The following PACSIN2 variants were observed in gnomAD, a reference collection of about 807,000 sequenced individuals.
PACSIN2 encodes protein kinase C and casein kinase substrate in neurons protein 2.
Under a neutral mutation model 63.8 loss-of-function variants are expected in PACSIN2, and 25 were observed. That is an observed-to-expected ratio of 0.39 (90% CI 0.29 to 0.55). PACSIN2 has a LOEUF of 0.55. Among genes scored for constraint, PACSIN2 ranks in the 20% least tolerant of loss-of-function variants. The pLI is 0.62. For synonymous variants in PACSIN2, 255 were observed against 256.2 expected (o/e 1.00, Z 0.05); for missense variants, 518 against 646.9 (o/e 0.80, Z 2.16).
At chr22:42,883,806 C>T (rs1009161067) in intron 6 of PACSIN2, among the ~76,000 whole-genome samples, 9 of 152,300 alleles carry the variant, frequency 5.9e-5, no homozygotes, top group Non-Finnish European at 1.0e-4. Context: ...GAGATCGAGA[C>T]CATCCTGGAC....
Position 42,884,862 on chromosome 22 carries a change from T to C in PACSIN2, c.610-301A>G, listed in dbSNP as rs528974140. Among the ~76,000 whole-genome samples the C allele has an allele frequency of 2.0e-4, 31 of 152,332 alleles. No homozygotes were observed. In the South Asian group the frequency reaches 5.0e-3, roughly 24 times the overall value. On this transcript the variant is annotated intron_variant, in intron 5 of 10. Coordinates refer to ENST00000263246, the MANE Select transcript of PACSIN2 (RefSeq NM_001184970.3). ...GAGCGTGCCACACGCCCATGTCCTC[T>C]TCTCCCTGTGGGGAAGGGCTGTGCC...
chr22:42,900,571 C>T (rs530514192), intron 2 of PACSIN2, among the ~76,000 whole-genome samples: 1 of 152,256 alleles, frequency 6.6e-6, no homozygotes, highest in East Asian at 1.9e-4. Flanking sequence ...CCTTCCCGTC[C>T]GAAGTGATCC....
Position 42,912,776 on chromosome 22 carries a change from G to A in PACSIN2, c.-77-619C>T, listed in dbSNP as rs374905188. ...TAAGCACAAACCACACCTTGCTAGTGTGATGACCTGTCCGCAGCCGAGATG... is the reference window on the plus strand; with the variant it reads ...TAAGCACAAACCACACCTTGCTAGTATGATGACCTGTCCGCAGCCGAGATG... On this transcript the variant is annotated intron_variant, in intron 1 of 10. Coordinates refer to ENST00000263246, the MANE Select transcript of PACSIN2 (RefSeq NM_001184970.3). Among the ~76,000 whole-genome samples, 7 of 152,232 alleles carry A rather than the reference G, an allele frequency of 4.6e-5. No homozygotes were observed. The East Asian group carries it at 7.7e-4, about 17-fold the overall frequency.
In PACSIN2 at chr22:42,893,466, C is replaced by T. The variant is rs529199422; in HGVS notation, c.208G>A (p.Val70Met). 15 of 1,612,782 alleles carry T rather than the reference C, an allele frequency of 9.3e-6. No homozygotes were observed. Among genetic ancestry groups the T allele is most frequent in the Admixed American group, 3.3e-5 (2 of 60,026 alleles). The change falls in exon 3 of 11, where the codon GTG becomes ATG. Residue 70 changes from valine to methionine, a missense_variant. By Grantham distance (21) the Val-to-Met change is conservative (BLOSUM62 1). Coordinates refer to ENST00000263246, the MANE Select transcript of PACSIN2 (RefSeq NM_001184970.3). Reference protein sequence around the residue: ...TEWARRWRQLVEKGPQYGTVE... With the variant: ...TEWARRWRQLMEKGPQYGTVE... ...TGCCGGGGCCCCATACCTTTCTCCA[C>T]GAGCTGCCTCCAGCGCCGGGCCCAC... is the stretch of plus-strand genomic sequence containing the variant.
intron 1 of PACSIN2, among the ~76,000 whole-genome samples, chr22:42,922,468 G>A (rs1025204481): frequency 6.6e-6 from 1 of 152,166 alleles, no homozygotes; most frequent in African/African-American, 2.4e-5. Context: ...GAAAGCCCCC[G>A]ATACCCCGCT....
rs10679634 is a variant in PACSIN2, at chr22:42,871,935, C to CGA, written c.1349-468_1349-467dup. On this transcript the variant is annotated intron_variant, in intron 10 of 10. Coordinates refer to ENST00000263246, the MANE Select transcript of PACSIN2 (RefSeq NM_001184970.3). The surrounding 1 kb of genome is among the most constrained non-coding windows in gnomAD (Gnocchi z 5.4). Reference sequence around the variant, plus strand: ...CCTCTCCTCTGCAACTTCCAGGCTGCGAGGGGAAGGGACCATGTCTGACAG... The same window carrying CGA: ...CCTCTCCTCTGCAACTTCCAGGCTGCGAGAGGGGAAGGGACCATGTCTGACAG... 0.66 allele frequency among the ~76,000 whole-genome samples: 99,612 copies of CGA among 151,764 alleles called. 34,619 individuals carry two copies. Among genetic ancestry groups the CGA allele is most frequent in the African/African-American group, 0.88 (36,513 of 41,396 alleles).
At chr22:42,929,116 T>C (rs1569285975) in intron 1 of PACSIN2, among the ~76,000 whole-genome samples, 1 of 152,254 alleles carries the variant, frequency 6.6e-6, no homozygotes, top group Non-Finnish European at 1.5e-5. Context: ...CTTCATCAGA[T>C]CCAGGCCTGA....
chr22:42,948,674 A>G (rs541178261), intron 1 of PACSIN2, among the ~76,000 whole-genome samples: 4 of 152,244 alleles, frequency 2.6e-5, no homozygotes, highest in African/African-American at 9.6e-5. Context: ...AGTACAAACC[A>G]TGAGAGGATT....
At chr22:42,894,147 TAA>T (rs1256672943) in intron 2 of PACSIN2, among the ~76,000 whole-genome samples, 1 of 152,208 alleles carries the variant, frequency 6.6e-6, no homozygotes, top group East Asian at 1.9e-4. Flanking sequence ...CTAGTAGGAA[TAA>T]GTGTCCCCAT....
At chr22:42,943,889 A>T (rs1170817059) in intron 1 of PACSIN2, among the ~76,000 whole-genome samples, 1 of 152,248 alleles carries the variant, frequency 6.6e-6, no homozygotes, top group Non-Finnish European at 1.5e-5. Context: ...AAAGAAAGAA[A>T]AAGACACAAT....
chr22:42,927,122 A>G (rs1932587964), intron 1 of PACSIN2, among the ~76,000 whole-genome samples: 3 of 152,172 alleles, frequency 2.0e-5, no homozygotes, highest in African/African-American at 7.2e-5. Flanking sequence ...CTCCTCATTT[A>G]GCCCTTGCTT....
At chr22:43,001,065 C>G (rs902811335) in intron 1 of PACSIN2, among the ~76,000 whole-genome samples, 2 of 152,228 alleles carry the variant, frequency 1.3e-5, no homozygotes, top group African/African-American at 4.8e-5. Context: ...CCAAGGGCTG[C>G]TATGGAATCA....
rs771032217 is a variant in PACSIN2 at position 42,876,210 on chromosome 22, C to G, written c.1275G>C (p.Ser425=). The change falls in exon 10 of 11, where the codon TCG becomes TCC. Residue 425 remains serine, a synonymous_variant. Transcript: ENST00000263246. ...GGGCCCGGACTCGCACTTCCGTCCC[C>G]GAGGTGGCGTCGTCGTCGAATGGAT... is the stretch of plus-strand genomic sequence containing the variant. ...DSNPFDDDAT[S]GTEVRVRALY... 6.2e-7 allele frequency: 1 copy of G among 1,614,222 alleles called. No individual in the cohort carries two copies. The highest frequency in any genetic ancestry group is 1.3e-5 in the African/African-American group (1 of 75,050).
chr22:42,942,653 G>A (rs1475536547), intron 1 of PACSIN2, among the ~76,000 whole-genome samples: 1 of 152,150 alleles, frequency 6.6e-6, no homozygotes, highest in East Asian at 1.9e-4. Flanking sequence ...AGCGTCACTT[G>A]TTGAAAAGAT....
intron 2 of PACSIN2, among the ~76,000 whole-genome samples, chr22:42,906,789 C>T (rs1246414492): frequency 6.6e-6 from 1 of 152,166 alleles, no homozygotes; most frequent in Non-Finnish European, 1.5e-5. Flanking sequence ...GAACCTTAAA[C>T]GAAGATTACG....
rs529660735 is a variant in PACSIN2, at chr22:42,890,917, C to T, written c.453+30G>A. ...AGTGGGGTGCCAGGCAGAGCAAGGC[C>T]GGGCAGGGAAGCCTGCAGGACAGAT... is the stretch of plus-strand genomic sequence containing the variant. On this transcript the variant is annotated intron_variant, in intron 4 of 10. Coordinates refer to ENST00000263246, the MANE Select transcript of PACSIN2 (RefSeq NM_001184970.3). 110 of 1,587,310 alleles carry T rather than the reference C, an allele frequency of 6.9e-5. No individual in the cohort carries two copies. The Middle Eastern group carries it at 1.0e-3, about 14-fold the overall frequency.
At chr22:42,934,900 T>TC (rs1555924666) in intron 1 of PACSIN2, among the ~76,000 whole-genome samples, 1 of 71,964 alleles carries the variant, frequency 1.4e-5, no homozygotes, top group Non-Finnish European at 4.5e-5. Context: ...CTTTCTTTTC[T>TC]TTTCTTTCTT....
chr22:42,920,293 T>A (rs1327597808), intron 1 of PACSIN2, among the ~76,000 whole-genome samples: 1 of 152,144 alleles, frequency 6.6e-6, no homozygotes, highest in African/African-American at 2.4e-5. Context: ...CTGGGTGCCA[T>A]GCAAGATGAA....
chr22:42,890,611 G>A (rs1051489453), intron 4 of PACSIN2, among the ~76,000 whole-genome samples: 23 of 152,156 alleles, frequency 1.5e-4, no homozygotes, highest in African/African-American at 5.1e-4. Flanking sequence ...CCAGCTACTC[G>A]GAGGGCTGAG....
Sources: allele counts gnomAD v4.1 joint callset (sites outside exome capture counted in the v4.1 genomes callset), GRCh38; gene constraint gnomAD v4.1.1; non-coding constraint Gnocchi (gnomAD v3.1); transcripts MANE v1.5; gene names NCBI Gene and HGNC (gene_info 2026-07-23, HGNC 2026-07-21).